Variants in UQCC1 observed in about 807,000 individuals in gnomAD.
The protein encoded by UQCC1 is bFGF-repressed Zic-binding protein.
UQCC1 carries 38 observed loss-of-function variants against 48.0 expected under a neutral mutation model. The ratio of observed to expected loss-of-function variants is 0.79; its 90% CI spans 0.61 to 1.04. The LOEUF is 1.04. Ranked by LOEUF, UQCC1 falls within the 50% of genes least tolerant of loss-of-function variation. The pLI is 0.00. For missense variants in UQCC1, 368 were observed against 381.8 expected, an observed-to-expected ratio of 0.96 and a Z score of 0.30; for synonymous variants, 111 against 129.2, an observed-to-expected ratio of 0.86 and a Z score of 0.95.
At chr20:35,411,486 C>A (rs2062363123) in intron 1 of UQCC1, among the ~76,000 whole-genome samples, 1 of 152,070 alleles carries the variant, frequency 6.6e-6, no homozygotes, top group Admixed American at 6.6e-5. Context: ...TGAAAGAAAC[C>A]CTGAGAATCT....
rs896440781 is a variant in UQCC1 at position 35,330,074 on chromosome 20, T to C, written c.574-15309A>G. Among the ~76,000 whole-genome samples, 8 of 152,320 alleles carry C rather than the reference T, an allele frequency of 5.3e-5. No homozygotes were observed. The East Asian group carries it at 1.5e-3, about 29-fold the overall frequency. On this transcript the variant is annotated intron_variant, in intron 7 of 9. Coordinates refer to ENST00000374385, the MANE Select transcript of UQCC1 (RefSeq NM_018244.5). ...CATTCACCATTCAACCAATATTGGA[T>C]GGAGGCTTACCATGTGCTAAGCACT... is the stretch of plus-strand genomic sequence containing the variant.
At chr20:35,321,958 C>T (rs886585498) in intron 7 of UQCC1, among the ~76,000 whole-genome samples, 1 of 152,184 alleles carries the variant, frequency 6.6e-6, no homozygotes. Context: ...GTTGAGAAAA[C>T]ATGAGAACAC....
Position 35,384,150 on chromosome 20 carries a change from C to G in UQCC1, c.130-17G>C, listed in dbSNP as rs1478425587. 6.3e-7 allele frequency: 1 copy of G among 1,593,654 alleles called. No individual in the cohort carries two copies. Among genetic ancestry groups the G allele is most frequent in the Non-Finnish European group, 8.6e-7 (1 of 1,162,178 alleles). ...CTGGGGCCACTGAAGAATAAAAACA[C>G]AGATCTATGCAACACTGAGCACTTA... On this transcript the variant is annotated splice_polypyrimidine_tract_variant and intron_variant, in intron 2 of 9. Transcript: ENST00000374385.
At chr20:35,410,564 G>T (rs1318867368) in intron 1 of UQCC1, among the ~76,000 whole-genome samples, 1 of 149,228 alleles carries the variant, frequency 6.7e-6, no homozygotes, top group South Asian at 2.1e-4. Context: ...TTAGTCAGGT[G>T]TGGTGTGGTG....
At chr20:35,348,719 A>G (rs1479264785) in intron 6 of UQCC1, among the ~76,000 whole-genome samples, 3 of 152,050 alleles carry the variant, frequency 2.0e-5, no homozygotes, top group African/African-American at 7.2e-5. Context: ...AGTGGCACAA[A>G]CACAGCTCAC....
chr20:35,386,289 A>G (rs1261967653), intron 2 of UQCC1: 2 of 448,716 alleles, frequency 4.5e-6, no homozygotes, highest in East Asian at 1.4e-4. Context: ...TTACAATAAA[A>G]AAGGGTGAGA....
At chr20:35,324,563 T>G (rs2061170462) in intron 7 of UQCC1, among the ~76,000 whole-genome samples, 1 of 152,110 alleles carries the variant, frequency 6.6e-6, no homozygotes, top group South Asian at 2.1e-4. Flanking sequence ...CCTGACCTTG[T>G]GATCTGCCCG....
rs755724575 is a variant in UQCC1, at chr20:35,347,212, T to C, written c.525A>G (p.Ile175Met). 1 of 1,614,180 alleles carries C rather than the reference T, an allele frequency of 6.2e-7. No homozygotes were observed. The highest frequency in any genetic ancestry group is 8.5e-7 in the Non-Finnish European group (1 of 1,180,032). ...GAACATCCTCCCACATAAAATGAAC[T>C]ATGATACGACACATGTACTTCCCAC... ...GRSGKYMCRI[I>M]VHFMWEDVQQ... Residue 175 changes from isoleucine to methionine, a missense_variant, in exon 7 of 10, where the codon ATA (isoleucine) becomes ATG (methionine). Ile to Met is a conservative substitution (Grantham distance 10). Coordinates refer to ENST00000374385, the MANE Select transcript of UQCC1 (RefSeq NM_018244.5).
At chr20:35,401,247 T>C (rs2062160366) in intron 1 of UQCC1, among the ~76,000 whole-genome samples, 1 of 152,176 alleles carries the variant, frequency 6.6e-6, no homozygotes, top group Non-Finnish European at 1.5e-5. Context: ...GCACTATAAC[T>C]CACTTAGCAA....
intron 6 of UQCC1, among the ~76,000 whole-genome samples, chr20:35,366,055 A>G (rs1399759898): frequency 1.3e-5 from 2 of 152,236 alleles, no homozygotes; most frequent in Non-Finnish European, 2.9e-5. Context: ...AGCTGAAGAA[A>G]AAATATACTG....
chr20:35,360,830 G>C (rs954310121), intron 6 of UQCC1, among the ~76,000 whole-genome samples: 2 of 152,162 alleles, frequency 1.3e-5, no homozygotes, highest in African/African-American at 4.8e-5. Flanking sequence ...GTAAATGTTT[G>C]CTGTGCTCAT....
intron 6 of UQCC1, among the ~76,000 whole-genome samples, chr20:35,360,327 A>C (rs561317810): frequency 1.3e-5 from 2 of 152,084 alleles, no homozygotes; most frequent in Admixed American, 1.3e-4. Flanking sequence ...GGTGGTTTTA[A>C]AGAGCCTCTG....
chr20:35,360,865 G>A (rs2061598365), intron 6 of UQCC1, among the ~76,000 whole-genome samples: 1 of 152,130 alleles, frequency 6.6e-6, no homozygotes, highest in Non-Finnish European at 1.5e-5. Flanking sequence ...CTCAGGGGAA[G>A]AGACCCCTAT....
At chr20:35,338,106 G>C (rs577435934) in intron 7 of UQCC1, among the ~76,000 whole-genome samples, 2 of 151,890 alleles carry the variant, frequency 1.3e-5, no homozygotes, top group Admixed American at 1.3e-4. Flanking sequence ...ATGATGTAGA[G>C]ACACTCAGAC....
At chr20:35,306,514 G>A in intron 9 of UQCC1, 152 bp downstream of exon 9, 1 of 616,562 alleles carries the variant, frequency 1.6e-6, no homozygotes. Flanking sequence ...CATACAGAAG[G>A]CGCTCCTTCT....
intron 8 of UQCC1, among the ~76,000 whole-genome samples, chr20:35,310,678 T>G: frequency 7.0e-6 from 1 of 141,876 alleles, no homozygotes; most frequent in Admixed American, 7.1e-5. Context: ...ATTGGGAAGA[T>G]TTGGAAAGCT....
chr20:35,390,240 C>T (rs955715031), intron 2 of UQCC1, among the ~76,000 whole-genome samples: 9 of 151,946 alleles, frequency 5.9e-5, no homozygotes, highest in Admixed American at 1.3e-4. Flanking sequence ...GCCTGGCCAA[C>T]ACAGTGAAAC....
chr20:35,386,229 CAA>C (rs751779736), intron 2 of UQCC1: 736 of 311,740 alleles, frequency 2.4e-3, no homozygotes, highest in South Asian at 3.8e-3. Flanking sequence ...ATAATTCTGG[CAA>C]AAAAAAAAAA....
chr20:35,372,302 C>A (rs1466115879), intron 5 of UQCC1, among the ~76,000 whole-genome samples: 1 of 148,610 alleles, frequency 6.7e-6, no homozygotes, highest in East Asian at 2.0e-4. Context: ...GATTGAGATT[C>A]TGTCTCAAAA....
Sources: gnomAD v4.1 joint callset for allele counts (sites outside exome capture counted in the v4.1 genomes callset) on GRCh38, gnomAD v4.1.1 for gene constraint, MANE v1.5 for transcripts, NCBI Gene and HGNC (gene_info 2026-07-23, HGNC 2026-07-21) for gene names.